NME8: variants seen among roughly 807,000 people sequenced by gnomAD.
The protein encoded by NME8 is protein NME8.
NME8 carries 72 observed loss-of-function variants against 82.3 expected under a neutral mutation model. The observed-to-expected ratio is 0.87, with a 90% CI of 0.72 to 1.06. The LOEUF is 1.06. NME8 is among the 50% of genes least tolerant of loss of function. NME8 has a pLI of 0.00. For missense variants in NME8, 712 were observed against 685.4 expected (o/e 1.04, Z -0.43); for synonymous variants, 267 against 228.5 (o/e 1.17, Z -1.52).
At chr7:37,886,829 C>T (rs899744739) in intron 14 of NME8, among the ~76,000 whole-genome samples, 4 of 149,672 alleles carry the variant, frequency 2.7e-5, no homozygotes, top group African/African-American at 7.4e-5. Flanking sequence ...TGGGAACAGC[C>T]AAGGGCAGAA....
At chr7:37,894,366 T>C (rs1785183441) in intron 15 of NME8, 100 bp from the exon 16 acceptor site, 1 of 1,279,524 alleles carries the variant, frequency 7.8e-7, no homozygotes, top group South Asian at 1.2e-5. Context: ...AACCACAATA[T>C]GCAAATTAAA....
At chr7:37,859,118 TC>T (rs753102164) in intron 6 of NME8, among the ~76,000 whole-genome samples, 3 of 152,040 alleles carry the variant, frequency 2.0e-5, no homozygotes, top group Non-Finnish European at 4.4e-5. Flanking sequence ...TTTACGAAGT[TC>T]CCAGCTTCGT....
chr7:37,875,456 G>A (rs547232609), intron 11 of NME8, among the ~76,000 whole-genome samples: 5 of 136,120 alleles, frequency 3.7e-5, no homozygotes, highest in Admixed American at 7.7e-5. Flanking sequence ...CACATTGGGG[G>A]ATGAAAGCAG....
At chr7:37,871,597 A>G (rs886861045) in intron 11 of NME8, among the ~76,000 whole-genome samples, 7 of 152,116 alleles carry the variant, frequency 4.6e-5, no homozygotes, top group Non-Finnish European at 8.8e-5. Flanking sequence ...AAGACCTACT[A>G]TATGCCAAAT....
intron 6 of NME8, among the ~76,000 whole-genome samples, chr7:37,859,388 T>C (rs1308495347): frequency 6.6e-6 from 1 of 152,186 alleles, no homozygotes; most frequent in Non-Finnish European, 1.5e-5. Flanking sequence ...CTCTATGACA[T>C]CTGGAATTAA....
intron 11 of NME8, among the ~76,000 whole-genome samples, chr7:37,870,144 G>A (rs1041488683): frequency 6.6e-6 from 1 of 151,836 alleles, no homozygotes; most frequent in Non-Finnish European, 1.5e-5. Flanking sequence ...GTCTATAACA[G>A]GGGTGTCCAA....
Position 37,857,152 on chromosome 7 carries a change from G to T in NME8, c.199-122G>T, listed in dbSNP as rs554401414. The stretch of plus-strand genomic sequence containing the variant: ...CAGTTTGATCCCTAAAACCACTAAG[G>T]CATACCGAATGTTGCAGTAAACCTA... On this transcript the variant is annotated intron_variant, in intron 5 of 17. Transcript: ENST00000199447. The T allele has an allele frequency of 5.4e-6, 4 of 735,164 alleles. No homozygotes were observed. In the East Asian group the frequency reaches 8.4e-5, roughly 15 times the overall value. The allele number at this position is 735,164 out of a possible 1,614,324, so 45.5% of individuals were successfully genotyped here. A position where few individuals can be genotyped will look rare whatever the true frequency, so the allele number is the denominator to read the frequency against.
chr7:37,896,260 C>T (rs1342696948), intron 16 of NME8, among the ~76,000 whole-genome samples: 1 of 152,140 alleles, frequency 6.6e-6, no homozygotes, highest in African/African-American at 2.4e-5. Context: ...ATACTTATTG[C>T]AGGTTGCATT....
intron 6 of NME8, among the ~76,000 whole-genome samples, chr7:37,860,638 A>G (rs1283991974): frequency 6.6e-6 from 1 of 152,138 alleles, no homozygotes; most frequent in Non-Finnish European, 1.5e-5. Context: ...TTTCCTCTAC[A>G]CACAGTTTCA....
At chr7:37,856,077 T>C (rs1349334091) in intron 5 of NME8, among the ~76,000 whole-genome samples, 1 of 152,206 alleles carries the variant, frequency 6.6e-6, no homozygotes, top group Non-Finnish European at 1.5e-5. Context: ...CTCAGCTTTT[T>C]AGCAGCACTT....
At chr7:37,883,975 ACACACACACACC>A (rs1299392553) in intron 12 of NME8, among the ~76,000 whole-genome samples, 2 of 150,860 alleles carry the variant, frequency 1.3e-5, no homozygotes, top group African/African-American at 2.5e-5. Flanking sequence ...ACACACACAC[ACACACACACACC>A]CACACAATCA....
At chr7:37,873,370 A>AAAG (rs1554364318) in intron 11 of NME8, among the ~76,000 whole-genome samples, 1 of 147,034 alleles carries the variant, frequency 6.8e-6, no homozygotes, top group Admixed American at 7.3e-5. Flanking sequence ...AAAAAAAAAA[A>AAAG]AAAAGAAAAG....
Position 37,868,776 on chromosome 7 carries a change from G to A in NME8, c.818+878G>A, listed in dbSNP as rs117246879. On this transcript the variant is annotated intron_variant, in intron 11 of 17. Transcript: ENST00000199447. ...CCGGTGCCCTAAAAACATGAAACAT[G>A]CACTTTTACTTTAGATGGTTTGTGG... Among the ~76,000 whole-genome samples, 640 of 152,182 alleles carry A rather than the reference G, an allele frequency of 4.2e-3. 3 individuals carry two copies. The highest frequency in any genetic ancestry group is 7.6e-3 in the Non-Finnish European group (516 of 68,020).
At chr7:37,853,686 G>A (rs922645422) in intron 5 of NME8, among the ~76,000 whole-genome samples, 2 of 152,082 alleles carry the variant, frequency 1.3e-5, no homozygotes, top group African/African-American at 4.8e-5. Flanking sequence ...GAGCAGCAAT[G>A]GAGGGATGCC....
At chr7:37,857,422 C>A in intron 6 of NME8, 77 bp downstream of exon 6, 3 of 951,304 alleles carry the variant, frequency 3.2e-6, no homozygotes, top group Non-Finnish European at 5.1e-6. Flanking sequence ...GTAAAATTAC[C>A]ATGAAATTGT....
intron 16 of NME8, among the ~76,000 whole-genome samples, chr7:37,894,963 A>G (rs930183188): frequency 6.6e-6 from 1 of 151,140 alleles, no homozygotes; most frequent in African/African-American, 2.4e-5. Context: ...AGGCTGCCTC[A>G]GTTCAAACCG....
At chr7:37,888,830 G>A (rs1207594564) in intron 15 of NME8, among the ~76,000 whole-genome samples, 1 of 151,416 alleles carries the variant, frequency 6.6e-6, no homozygotes, top group South Asian at 2.1e-4. Context: ...TTTTAGATAC[G>A]CTATTGGATA....
At chr7:37,873,603 A>T (rs1031968012) in intron 11 of NME8, among the ~76,000 whole-genome samples, 2 of 152,010 alleles carry the variant, frequency 1.3e-5, no homozygotes, top group Non-Finnish European at 2.9e-5. Flanking sequence ...GATGTTCTCA[A>T]AATTGATCTC....
intron 11 of NME8, among the ~76,000 whole-genome samples, chr7:37,873,247 C>A (rs1263643856): frequency 6.6e-6 from 1 of 151,336 alleles, no homozygotes; most frequent in Non-Finnish European, 1.5e-5. Flanking sequence ...ATAGTCCCAG[C>A]TACTTGGGAG....
Sources: gnomAD v4.1 joint callset for allele counts (sites outside exome capture counted in the v4.1 genomes callset) on GRCh38, gnomAD v4.1.1 for gene constraint, MANE v1.5 for transcripts, NCBI Gene and HGNC (gene_info 2026-07-23, HGNC 2026-07-21) for gene names.